Variants in PCDH7 observed in about 807,000 individuals in gnomAD.
The protein encoded by PCDH7 is protocadherin-7.
PCDH7 carries 17 observed loss-of-function variants against 58.9 expected under a neutral mutation model. That is an observed-to-expected ratio of 0.29 (90% confidence interval 0.20 to 0.43). The LOEUF is 0.43. Among genes scored for constraint, PCDH7 ranks in the 20% least tolerant of loss-of-function variants. The pLI is 1.00. For synonymous variants in PCDH7, 664 were observed against 616.4 expected (o/e 1.08, Z -1.14); for missense variants, 1,274 against 1,441.0 (o/e 0.88, Z 1.88).
chr4:30,894,606 T>C (rs1739163886), intron 1 of PCDH7, among the ~76,000 whole-genome samples: 1 of 143,494 alleles, frequency 7.0e-6, no homozygotes, highest in Non-Finnish European at 1.5e-5. Context: ...CATATATATA[T>C]ATATATATAT....
intron 3 of PCDH7, among the ~76,000 whole-genome samples, chr4:31,109,173 C>T (rs1406090954): frequency 1.3e-5 from 2 of 152,092 alleles, no homozygotes; most frequent in Non-Finnish European, 2.9e-5. Context: ...AGTCTCAAGG[C>T]TAAGCCTAGT....
At chr4:31,019,720 G>A (rs1291148381) in intron 3 of PCDH7, among the ~76,000 whole-genome samples, 1 of 151,416 alleles carries the variant, frequency 6.6e-6, no homozygotes, top group African/African-American at 2.4e-5. Flanking sequence ...TTCTGCCTTT[G>A]TGGAACCCAC....
intron 3 of PCDH7, among the ~76,000 whole-genome samples, chr4:31,063,173 G>A (rs1215854581): frequency 6.6e-6 from 1 of 151,814 alleles, no homozygotes; most frequent in Admixed American, 6.6e-5. Context: ...TATTTAATCA[G>A]TTAACTCACT....
At chr4:30,998,827 A>G (rs561598875) in intron 3 of PCDH7, among the ~76,000 whole-genome samples, 67 of 152,266 alleles carry the variant, frequency 4.4e-4, no homozygotes, top group Middle Eastern at 3.4e-3. Context: ...GATAAGATAT[A>G]TGAAAGAAGA....
chr4:31,107,792 T>A (rs534184883), intron 3 of PCDH7, among the ~76,000 whole-genome samples: 1 of 152,188 alleles, frequency 6.6e-6, no homozygotes, highest in East Asian at 1.9e-4. Flanking sequence ...ACTTTCATTT[T>A]TTCTATGTTA....
At chr4:31,091,587 T>A (rs1350755985) in intron 3 of PCDH7, among the ~76,000 whole-genome samples, 1 of 151,876 alleles carries the variant, frequency 6.6e-6, no homozygotes, top group East Asian at 1.9e-4. Flanking sequence ...GTCTGTATTT[T>A]GAATGAACCA....
At chr4:31,030,244 GCAT>G (rs1343850730) in intron 3 of PCDH7, among the ~76,000 whole-genome samples, 1 of 152,074 alleles carries the variant, frequency 6.6e-6, no homozygotes, top group Non-Finnish European at 1.5e-5. Flanking sequence ...TACCCTTGCT[GCAT>G]CATCTCAGCA....
chr4:30,884,183 C>G (rs1322311391), intron 1 of PCDH7, among the ~76,000 whole-genome samples: 1 of 152,090 alleles, frequency 6.6e-6, no homozygotes, highest in Non-Finnish European at 1.5e-5. Context: ...TTATTACTCG[C>G]CAAACACTGT....
intron 2 of PCDH7, among the ~76,000 whole-genome samples, chr4:30,927,861 A>AAT (rs1553915300): frequency 4.6e-5 from 7 of 151,532 alleles, no homozygotes; most frequent in Non-Finnish European, 1.0e-4. Flanking sequence ...AATAAAAAAA[A>AAT]CCAAAAAACA....
chr4:30,978,192 G>A (rs894726701), intron 3 of PCDH7, among the ~76,000 whole-genome samples: 16 of 152,118 alleles, frequency 1.1e-4, no homozygotes, highest in African/African-American at 3.9e-4. Context: ...TCTTATAAAC[G>A]AATCGGTACT....
intron 3 of PCDH7, among the ~76,000 whole-genome samples, chr4:31,133,368 T>G (rs184840921): frequency 2.0e-5 from 3 of 152,288 alleles, no homozygotes; most frequent in Admixed American, 2.0e-4. Context: ...CAAGTAATTT[T>G]GAATATAGGA....
intron 2 of PCDH7, among the ~76,000 whole-genome samples, chr4:30,948,634 AT>A (rs1330229572): frequency 6.6e-6 from 1 of 152,176 alleles, no homozygotes; most frequent in African/African-American, 2.4e-5. Context: ...TATATGCTCA[AT>A]AATATCAGTT....
intron 3 of PCDH7, among the ~76,000 whole-genome samples, chr4:31,121,451 T>A (rs1334400578): frequency 1.3e-5 from 2 of 152,230 alleles, no homozygotes; most frequent in Non-Finnish European, 2.9e-5. Flanking sequence ...AATTTAAGAA[T>A]AACTTATTTA....
At position 31,054,409 on chromosome 4, in the gene PCDH7, T is replaced by C. The variant is rs527672081; in HGVS notation, c.*8-88064T>C. On this transcript the variant is annotated intron_variant, in intron 3 of 3. Transcript: ENST00000509759. ...AGTTAGTACGTCCCAAAAGGGTTGA[T>C]GATTATTAATTCTGCAGCTGGAGTT... is the stretch of plus-strand genomic sequence containing the variant. Among the ~76,000 whole-genome samples the C allele has an allele frequency of 4.5e-4, 69 of 152,308 alleles. 1 individual carries two copies. The highest frequency in any genetic ancestry group is 1.6e-3 in the African/African-American group (67 of 41,568).
At position 30,722,233 on chromosome 4, in the gene PCDH7, C is replaced by A; in HGVS notation, c.811C>A (p.Arg271Ser). The change falls in exon 1 of 2, where the codon CGC becomes AGC. Residue 271 changes from arginine (R) to serine (S), a missense_variant. Physicochemically the swap from Arg to Ser is moderately radical, Grantham distance 110. Around this residue, in one of 3 missense-constraint regions of PCDH7, gnomAD observed 331 missense variants for 303.2 expected, o/e 1.09. Transcript: ENST00000361762. This position sits in a 1 kb window ranked among gnomAD's most constrained non-coding sequence, Gnocchi z 7.6. ...GAAGGGGGCGCTGGACCGCGAGCAG[C>A]GCGACTCCTACGAGCTGACCCTGCG... 1 of 1,592,608 alleles carries A rather than the reference C, an allele frequency of 6.3e-7. No individual in the cohort carries two copies. Among genetic ancestry groups the A allele is most frequent in the African/African-American group, 1.3e-5 (1 of 74,638 alleles).
intron 1 of PCDH7, among the ~76,000 whole-genome samples, chr4:30,891,633 A>T (rs1447584524): frequency 6.6e-6 from 1 of 152,024 alleles, no homozygotes; most frequent in Non-Finnish European, 1.5e-5. Flanking sequence ...CTTTTAGCTG[A>T]ATTAAAGAAT....
At chr4:30,910,697 T>C (rs1290806451) in intron 1 of PCDH7, among the ~76,000 whole-genome samples, 1 of 152,196 alleles carries the variant, frequency 6.6e-6, no homozygotes, top group Non-Finnish European at 1.5e-5. Context: ...GGAATGCTTT[T>C]ACACTGTTCT....
At position 30,895,700 on chromosome 4, in the gene PCDH7, C is replaced by T. The variant is rs1047079259; in HGVS notation, c.71-24453C>T. On this transcript the variant is annotated intron_variant, in intron 1 of 3. Coordinates refer to the PCDH7 transcript ENST00000509759. ...GAAAAAAATCTCCTTCTTACCCCTCCCCCAAATACAGGAACACTGATGCCA... is the reference window on the plus strand; with the variant it reads ...GAAAAAAATCTCCTTCTTACCCCTCTCCCAAATACAGGAACACTGATGCCA... 2.0e-5 allele frequency among the ~76,000 whole-genome samples: 3 copies of T among 152,200 alleles called. No homozygotes were observed. The South Asian group carries it at 6.2e-4, about 32-fold the overall frequency.
At chr4:30,889,202 TACCA>T (rs1419321443) in intron 1 of PCDH7, among the ~76,000 whole-genome samples, 1 of 150,258 alleles carries the variant, frequency 6.7e-6, no homozygotes, top group East Asian at 2.0e-4. Context: ...TTCTTTAAGT[TACCA>T]AGAGTTAACA....
Sources: allele counts gnomAD v4.1 joint callset (sites outside exome capture counted in the v4.1 genomes callset), GRCh38; gene constraint gnomAD v4.1.1; regional missense constraint gnomAD v4.1.1; non-coding constraint Gnocchi (gnomAD v3.1); transcripts MANE v1.5; gene names NCBI Gene and HGNC (gene_info 2026-07-23, HGNC 2026-07-21).